Variants in MTMR10 observed in about 807,000 individuals in gnomAD.
The protein encoded by MTMR10 is myotubularin related protein 10, also known as myotubularin-related protein 10.
Under a neutral mutation model 88.1 loss-of-function variants are expected in MTMR10, and 56 were observed. The ratio of observed to expected loss-of-function variants is 0.64; its 90% CI spans 0.51 to 0.79. The LOEUF is 0.79. MTMR10 is among the 30% of genes least tolerant of loss of function. MTMR10 has a pLI of 0.00. For missense variants in MTMR10, 883 were observed against 924.7 expected (o/e 0.95, Z 0.58); for synonymous variants, 380 against 340.9 (o/e 1.11, Z -1.26).
chr15:30,951,835 G>A, intron 12 of MTMR10, 133 bp downstream of exon 12: 1 of 748,110 alleles, frequency 1.3e-6, no homozygotes, highest in Non-Finnish European at 2.2e-6. Flanking sequence ...TGCAAAATCT[G>A]TAATGTATTT....
the MTMR10 span, among the ~76,000 whole-genome samples, chr15:30,929,819 T>TCATATATAATATATATAAAATATATAA: frequency 2.3e-5 from 1 of 44,382 alleles, no homozygotes; most frequent in Non-Finnish European, 3.3e-5. Context: ...ATATAATATA[T>TCATATATAATATATATAAAATATATAA]TATATCATAT....
intron 5 of MTMR10, among the ~76,000 whole-genome samples, chr15:30,973,529 T>C (rs2029884414): frequency 6.6e-6 from 1 of 152,082 alleles, no homozygotes; most frequent in Admixed American, 6.6e-5. Flanking sequence ...AGGCACTCAT[T>C]GCTTGGTGGT....
rs916870900 is a variant in MTMR10, at chr15:30,939,786, G to A, written c.*1684C>T. 1 of 985,050 alleles carries A rather than the reference G, an allele frequency of 1.0e-6. No individual in the cohort carries two copies. The highest frequency in any genetic ancestry group is 1.7e-5 in the African/African-American group (1 of 57,208). The allele number at this position is 985,050 out of a possible 1,614,324, so 61.0% of individuals were successfully genotyped here. ...CACTGTCAATGGCAGGATACGCTGT[G>A]GTGTTATAAGGAGATTGGGTCTGGT... On this transcript the variant is annotated 3_prime_UTR_variant, in exon 16 of 16. Transcript: ENST00000435680.
rs1270425362 is a variant in MTMR10 at position 30,947,143 on chromosome 15, A to G, written c.1535T>C (p.Val512Ala). 3.1e-6 allele frequency: 5 copies of G among 1,605,798 alleles called. No homozygotes were observed. The highest frequency in any genetic ancestry group is 4.2e-6 in the Non-Finnish European group (5 of 1,176,990). Residue 512 changes from valine to alanine, a missense_variant, in exon 14 of 16, where the codon GTG (valine) becomes GCG (alanine). Val to Ala is a moderately conservative substitution (Grantham distance 64). Coordinates refer to ENST00000435680, the MANE Select transcript of MTMR10 (RefSeq NM_017762.3). ...TFLFNSPHQR[V>A]KQSTEFAISK... is the part of the protein sequence containing the mutation. Reference sequence around the variant, plus strand: ...AGGGTTGCTTACCGTGCTTTGCTTCACTCGCTGGTGAGGGGAGTTGAACAG... The same window carrying G: ...AGGGTTGCTTACCGTGCTTTGCTTCGCTCGCTGGTGAGGGGAGTTGAACAG...
chr15:30,930,471 C>A, the MTMR10 span: 2 of 1,516,674 alleles, frequency 1.3e-6, no homozygotes, highest in Non-Finnish European at 1.8e-6. Context: ...TTCTCCGTCT[C>A]GTGATCCCTG....
At chr15:30,990,743 TA>T (rs2031260322) in intron 2 of MTMR10, 33 bp downstream of exon 2, 1 of 1,574,790 alleles carries the variant, frequency 6.4e-7, no homozygotes. Context: ...AATACGTTGC[TA>T]AAGTATCTGT....
At position 30,947,145 on chromosome 15, in the gene MTMR10, T is replaced by C. The variant is rs780053119; in HGVS notation, c.1533A>G (p.Arg511=). The stretch of plus-strand genomic sequence containing the variant: ...GGTTGCTTACCGTGCTTTGCTTCAC[T>C]CGCTGGTGAGGGGAGTTGAACAGGA... The part of the protein sequence containing the change: ...GTFLFNSPHQ[R]VKQSTEFAIS... The change falls in exon 14 of 16, where the codon CGA becomes CGG. Residue 511 remains arginine, a synonymous_variant. Coordinates refer to ENST00000435680, the MANE Select transcript of MTMR10 (RefSeq NM_017762.3). The C allele has an allele frequency of 1.7e-5, 28 of 1,606,666 alleles. No homozygotes were observed. In the South Asian group the frequency reaches 3.0e-4, roughly 17 times the overall value.
At chr15:30,980,969 T>C (rs1324499380) in intron 2 of MTMR10, among the ~76,000 whole-genome samples, 1 of 152,216 alleles carries the variant, frequency 6.6e-6, no homozygotes, top group East Asian at 1.9e-4. Flanking sequence ...CACAGAAGAA[T>C]TCCAATTAAT....
the MTMR10 span, chr15:30,925,355 A>G: frequency 1.4e-6 from 2 of 1,444,800 alleles, no homozygotes; most frequent in African/African-American, 2.8e-5. Flanking sequence ...TTGGACCAGA[A>G]GCATCCTAAG....
chr15:30,972,745 T>C (rs1474753129), intron 5 of MTMR10, among the ~76,000 whole-genome samples: 1 of 152,192 alleles, frequency 6.6e-6, no homozygotes, highest in African/African-American at 2.4e-5. Flanking sequence ...CCCTTCTTTC[T>C]ACTTGCAAAA....
intron 2 of MTMR10, among the ~76,000 whole-genome samples, chr15:30,979,076 C>T (rs921671961): frequency 6.6e-6 from 1 of 152,108 alleles, no homozygotes; most frequent in African/African-American, 2.4e-5. Context: ...TCAATTTAAA[C>T]AACTAAACTA....
chr15:30,952,417 G>C (rs767801903), intron 11 of MTMR10, among the ~76,000 whole-genome samples: 5 of 152,216 alleles, frequency 3.3e-5, no homozygotes, highest in African/African-American at 4.8e-5. Context: ...CCACACTAGA[G>C]TGCAGTGGCA....
chr15:30,925,206 T>C, the MTMR10 span: 6 of 1,614,062 alleles, frequency 3.7e-6, no homozygotes, highest in Non-Finnish European at 4.2e-6. Flanking sequence ...CAGCGAGCCG[T>C]GCGCCTGCGA....
intron 15 of MTMR10, chr15:30,942,424 C>G (rs1199166792): frequency 6.2e-6 from 2 of 324,288 alleles, no homozygotes; most frequent in African/African-American, 4.2e-5. Context: ...AGTCAGGAGG[C>G]CAAATGTCTG....
Position 30,958,913 on chromosome 15 carries a change from C to T in MTMR10, c.885G>A (p.Val295=), listed in dbSNP as rs186392165. Residue 295 remains valine, a synonymous_variant, in exon 9 of 16, where the codon GTG becomes GTA. Transcript: ENST00000435680. ...GCACGTCTTTGATGAGGGCCATTCG[C>T]ACAAGAGCACTGCCGTTAGAGTGGC... ...CWSHSNGSAL[V]RMALIKDVLQ... 1.4e-5 allele frequency: 22 copies of T among 1,613,976 alleles called. No individual in the cohort carries two copies. In the African/African-American group the frequency reaches 2.5e-4, roughly 19 times the overall value.
At chr15:30,929,912 A>C in the MTMR10 span, among the ~76,000 whole-genome samples, 1 of 36,546 alleles carries the variant, frequency 2.7e-5, no homozygotes, top group Non-Finnish European at 5.3e-5. Flanking sequence ...TAAAATATAT[A>C]ATATATATCA....
intron 5 of MTMR10, among the ~76,000 whole-genome samples, chr15:30,972,299 A>G (rs1446541790): frequency 6.6e-6 from 1 of 152,188 alleles, no homozygotes; most frequent in African/African-American, 2.4e-5. Context: ...TGGTAGCCAT[A>G]TACAACTTAA....
At chr15:30,946,980 C>G in intron 14 of MTMR10, 150 bp downstream of exon 14, 1 of 1,062,492 alleles carries the variant, frequency 9.4e-7, no homozygotes, top group South Asian at 1.8e-5. Flanking sequence ...TTTGTGTCTT[C>G]AAAATAATCC....
At chr15:30,951,509 ATTTAT>A (rs1022221407) in intron 12 of MTMR10, among the ~76,000 whole-genome samples, 9 of 54,578 alleles carry the variant, frequency 1.6e-4, no homozygotes, top group Admixed American at 7.3e-4. Flanking sequence ...ACTGGTTTTT[ATTTAT>A]TTTTTTTTTG....
Sources: gnomAD v4.1 joint callset for allele counts (sites outside exome capture counted in the v4.1 genomes callset) on GRCh38, gnomAD v4.1.1 for gene constraint, MANE v1.5 for transcripts, NCBI Gene and HGNC (gene_info 2026-07-23, HGNC 2026-07-21) for gene names.